Variants in TTC34 observed in about 807,000 individuals in gnomAD.
TTC34 encodes tetratricopeptide repeat protein 34.
Under a neutral mutation model 40.7 loss-of-function variants are expected in TTC34, and 44 were observed. That is an observed-to-expected ratio of 1.08 (90% CI 0.85 to 1.39). The LOEUF is 1.39. Ranked by LOEUF, TTC34 falls within the 40% of genes most tolerant of loss-of-function variation. The pLI is 0.00. For synonymous variants in TTC34, 422 were observed against 398.6 expected (o/e 1.06, Z -0.70); for missense variants, 884 against 838.0 (o/e 1.05, Z -0.68).
intron 6 of TTC34, among the ~76,000 whole-genome samples, chr1:2,751,739 C>A (rs1312700646): frequency 0.013 from 743 of 58,664 alleles, no homozygotes; most frequent in East Asian, 0.024. Flanking sequence ...CCCAGGTGAG[C>A]ATCTGACATC....
chr1:2,772,914 G>A (rs1204236210), intron 6 of TTC34, among the ~76,000 whole-genome samples: 11 of 110,418 alleles, frequency 1.0e-4, no homozygotes, highest in Non-Finnish European at 1.5e-4. Flanking sequence ...GTGAGCATTC[G>A]ACAGCCTGGA....
intron 6 of TTC34, among the ~76,000 whole-genome samples, chr1:2,654,881 G>T (rs369912148): frequency 0.044 from 5,393 of 123,240 alleles, no homozygotes; most frequent in South Asian, 0.11. Flanking sequence ...ACAGCCTGGA[G>T]CAGCACCCAC....
exon 9 of TTC34, chr1:2,639,726 G>A (rs932019180): frequency 4.6e-5 from 7 of 152,356 alleles, no homozygotes; most frequent in Non-Finnish European, 8.8e-5. Flanking sequence ...TCCGAGCGGG[G>A]AAGGCGAGGA....
chr1:2,794,420 T>C (rs2100633925), intron 2 of TTC34, among the ~76,000 whole-genome samples: 1 of 152,378 alleles, frequency 6.6e-6, no homozygotes, highest in South Asian at 2.1e-4. Context: ...ACAGGGCATC[T>C]ATTTGTTGCT....
At chr1:2,650,966 C>A (rs553291157) in intron 6 of TTC34, among the ~76,000 whole-genome samples, 6 of 146,640 alleles carry the variant, frequency 4.1e-5, no homozygotes, top group Admixed American at 2.0e-4. Context: ...GAGCATCACA[C>A]CATCCAAATG....
chr1:2,674,965 T>A (rs1406720178), intron 6 of TTC34, among the ~76,000 whole-genome samples: 4 of 102,566 alleles, frequency 3.9e-5, no homozygotes, highest in Admixed American at 9.8e-5. Flanking sequence ...CCATAGCCCA[T>A]GGTGAGCACC....
At chr1:2,644,221 T>C in intron 8 of TTC34, 43 bp downstream of exon 8, 1 of 1,509,518 alleles carries the variant, frequency 6.6e-7, no homozygotes, top group Non-Finnish European at 8.9e-7. Context: ...GCCTGTGTGC[T>C]GGGGAAGGTT....
intron 6 of TTC34, among the ~76,000 whole-genome samples, chr1:2,756,679 A>ACG (rs1641517602): frequency 7.1e-5 from 1 of 14,172 alleles, no homozygotes; most frequent in Non-Finnish European, 1.4e-4. Context: ...CCAGGTGAGC[A>ACG]GCTGAAATCC....
rs774561401 is a variant in TTC34, at chr1:2,641,795, C to T, written c.2813G>A (p.Cys938Tyr). 5 of 1,534,994 alleles carry T rather than the reference C, an allele frequency of 3.3e-6. No individual in the cohort carries two copies. The South Asian group carries it at 6.0e-5, about 18-fold the overall frequency. ...GCAGGTGGCCCGCAGACGCAGGTGA[C>T]AGGCACTGCTGCCACTGGCCAGGAC... Residue 938 changes from cysteine to tyrosine, a missense_variant, in exon 9 of 9, where the codon TGT becomes TAT. Cys to Tyr is a radical substitution (Grantham distance 194). Transcript: ENST00000401095.
chr1:2,792,787 C>T lies in TTC34; in HGVS notation c.785-2441G>A, dbSNP rs148419023. Among the ~76,000 whole-genome samples the T allele has an allele frequency of 2.5e-4, 38 of 152,318 alleles. No homozygotes were observed. In the East Asian group the frequency reaches 3.9e-3, roughly 15 times the overall value. ...CATCTAACTTTCCATCCATTTTTCTCAGCCCTGAACTGTCCTGTGCTACCT... is the reference window on the plus strand; with the variant it reads ...CATCTAACTTTCCATCCATTTTTCTTAGCCCTGAACTGTCCTGTGCTACCT... On this transcript the variant is annotated intron_variant, in intron 2 of 8. Coordinates refer to ENST00000401095, the Ensembl canonical transcript of TTC34.
intron 6 of TTC34, among the ~76,000 whole-genome samples, chr1:2,690,716 C>G (rs568773253): frequency 6.4e-5 from 2 of 31,348 alleles, no homozygotes; most frequent in South Asian, 1.7e-3. Context: ...GGTGAGCATG[C>G]GATAGCCTGG....
chr1:2,780,918 CTTAT>C (rs1446733417), intron 6 of TTC34, among the ~76,000 whole-genome samples: 2 of 152,106 alleles, frequency 1.3e-5, no homozygotes, highest in East Asian at 1.9e-4. Context: ...TTGTTTATGT[CTTAT>C]TTAATTTATT....
chr1:2,686,299 A>C (rs1265325400), intron 6 of TTC34, among the ~76,000 whole-genome samples: 15 of 111,588 alleles, frequency 1.3e-4, no homozygotes, highest in South Asian at 2.8e-4. Context: ...GAGCATCTGA[A>C]CGCACGGAGC....
chr1:2,787,761 C>T (rs1643611261), intron 3 of TTC34, 55 bp from the exon 4 acceptor site: 1 of 1,397,350 alleles, frequency 7.2e-7, no homozygotes, highest in Non-Finnish European at 9.6e-7. Flanking sequence ...CCTCCACCTG[C>T]CCAGGTGATT....
chr1:2,750,594 A>C (rs1569690193), intron 6 of TTC34, among the ~76,000 whole-genome samples: 5 of 137,558 alleles, frequency 3.6e-5, no homozygotes, highest in Admixed American at 1.4e-4. Flanking sequence ...ATCGTGGAGC[A>C]GCACCCCACA....
intron 6 of TTC34, among the ~76,000 whole-genome samples, chr1:2,686,199 ACCC>A: frequency 7.2e-6 from 1 of 139,436 alleles, no homozygotes; most frequent in Admixed American, 7.2e-5. Context: ...CAGCGCCCAC[ACCC>A]CCAGGCGAGC....
rs1373402518 is a variant in TTC34 at position 2,749,688 on chromosome 1, C to A, written c.2226+33921G>T. Among the ~76,000 whole-genome samples the A allele has an allele frequency of 4.5e-5, 3 of 66,392 alleles. 1 individual carries two copies. Among genetic ancestry groups the A allele is most frequent in the Admixed American group, 3.1e-4 (2 of 6,398 alleles). 43.6% of individuals were successfully genotyped at this position (66,392 alleles called of 152,430 possible). On this transcript the variant is annotated intron_variant, in intron 6 of 8. Coordinates refer to ENST00000401095, the Ensembl canonical transcript of TTC34. ...AGCCTGGAGCAGCAACCTGCACACC[C>A]AGGTGAGCATCTGACAGTCTGGAAC...
At chr1:2,789,894 C>A (rs1027809710) in exon 3 of TTC34, 4 of 402,758 alleles carry the variant, frequency 9.9e-6, no homozygotes, top group African/African-American at 8.2e-5. Flanking sequence ...GGTGCGCGGT[C>A]CCCTGCACGG....
chr1:2,797,824 G>T (rs1159608530), intron 2 of TTC34, among the ~76,000 whole-genome samples: 1 of 152,004 alleles, frequency 6.6e-6, no homozygotes, highest in Non-Finnish European at 1.5e-5. Context: ...CCACAGTTCA[G>T]TTGCTCATCA....
Sources: gnomAD v4.1 joint callset for allele counts (sites outside exome capture counted in the v4.1 genomes callset) on GRCh38, gnomAD v4.1.1 for gene constraint, MANE v1.5 for transcripts, NCBI Gene and HGNC (gene_info 2026-07-23, HGNC 2026-07-21) for gene names.